Variants in LEPR observed in about 807,000 individuals in gnomAD.
LEPR encodes OB receptor.
A neutral mutation model predicts 114.7 loss-of-function variants in LEPR; 56 were observed. The observed-to-expected ratio is 0.49, with a 90% CI of 0.39 to 0.61. The LOEUF (loss-of-function observed/expected upper bound fraction) is 0.61. Ranked by LOEUF, LEPR falls within the 20% of genes least tolerant of loss-of-function variation. LEPR has a pLI of 0.00. For synonymous variants in LEPR, 443 were observed against 461.4 expected, an observed-to-expected ratio of 0.96 and a Z score of 0.51; for missense variants, 1,202 against 1,352.9, an observed-to-expected ratio of 0.89 and a Z score of 1.75.
intron 2 of LEPR, chr1:65,432,934 A>G (rs778788239): frequency 6.8e-5 from 66 of 974,604 alleles, no homozygotes; most frequent in Non-Finnish European, 7.9e-5. Flanking sequence ...ATTTGTCAAT[A>G]TATAATCAAA....
intron 2 of LEPR, among the ~76,000 whole-genome samples, chr1:65,513,547 T>C (rs1451101064): frequency 6.6e-6 from 1 of 152,176 alleles, no homozygotes; most frequent in Non-Finnish European, 1.5e-5. Context: ...CCATGAGAGT[T>C]GGCATATAGG....
In LEPR at chr1:65,518,972, TTC is replaced by T. The variant is rs200352575; in HGVS notation, c.-20-46564_-20-46563del. On this transcript the variant is annotated intron_variant, in intron 2 of 19. Coordinates refer to ENST00000349533, the MANE Select transcript of LEPR (RefSeq NM_002303.6). The stretch of plus-strand genomic sequence containing the variant: ...CTTCTTTCTTCTTTTTCTTTTCTTT[TTC>T]TCTCTCTCTTTCCTTCCTTCCTTCT... Among the ~76,000 whole-genome samples the T allele has an allele frequency of 3.1e-3, 391 of 125,568 alleles. 3 individuals carry two copies. The highest frequency in any genetic ancestry group is 8.5e-3 in the African/African-American group (297 of 34,778). 82.4% of individuals were successfully genotyped at this position (125,568 alleles called of 152,430 possible). A position where few individuals can be genotyped will look rare whatever the true frequency, so the allele number is the denominator to read the frequency against.
intron 2 of LEPR, among the ~76,000 whole-genome samples, chr1:65,470,044 C>G (rs1443234363): frequency 1.3e-5 from 2 of 152,212 alleles, no homozygotes; most frequent in Non-Finnish European, 2.9e-5. Context: ...ATGTTTCCCT[C>G]TCTGCCTGGC....
At position 65,436,445 on chromosome 1, in the gene LEPR, G is replaced by A. The variant is rs143724728; in HGVS notation, c.-21+11067G>A. 3.0e-4 allele frequency among the ~76,000 whole-genome samples: 46 copies of A among 152,272 alleles called. 1 individual carries two copies. In the East Asian group the frequency reaches 8.5e-3, roughly 28 times the overall value. ...TCTGATGTTTTACTAGTGGATTTAG[G>A]CAGCCAGATTGTAAAGAAATCAAGC... On this transcript the variant is annotated intron_variant, in intron 2 of 19. Coordinates refer to ENST00000349533, the MANE Select transcript of LEPR (RefSeq NM_002303.6).
intron 2 of LEPR, among the ~76,000 whole-genome samples, chr1:65,448,120 T>C (rs1477471353): frequency 6.6e-6 from 1 of 152,244 alleles, no homozygotes. Flanking sequence ...GAAAGCCTCA[T>C]GCTTCTTATC....
intron 2 of LEPR, among the ~76,000 whole-genome samples, chr1:65,468,668 T>C (rs1647045506): frequency 1.3e-5 from 2 of 152,190 alleles, no homozygotes; most frequent in African/African-American, 4.8e-5. Flanking sequence ...TGCTCTGCTG[T>C]CATAGGGCTC....
intron 2 of LEPR, among the ~76,000 whole-genome samples, chr1:65,452,691 T>C (rs1375984997): frequency 1.3e-5 from 2 of 151,564 alleles, no homozygotes; most frequent in African/African-American, 4.8e-5. Context: ...CAGTATTTTA[T>C]TGAGGATTTT....
Position 65,549,788 on chromosome 1 carries a change from C to T in LEPR, c.-20-15758C>T, listed in dbSNP as rs144809648. Among the ~76,000 whole-genome samples, 860 of 152,264 alleles carry T rather than the reference C, an allele frequency of 5.6e-3. 11 individuals are homozygous for T. Among genetic ancestry groups the T allele is most frequent in the African/African-American group, 0.02 (825 of 41,538 alleles). ...CTCCTGTAGCTCGGAGTAGTTTGAT[C>T]GTCTGAAGCTTTCTTCTCTCACCTC... On this transcript the variant is annotated intron_variant, in intron 2 of 19. Transcript: ENST00000349533.
At chr1:65,598,558 G>T in intron 7 of LEPR, 102 bp from the exon 8 acceptor site, 1 of 1,517,422 alleles carries the variant, frequency 6.6e-7, no homozygotes, top group Non-Finnish European at 9.0e-7. Flanking sequence ...TACTGTGTAA[G>T]ATATTAATTC....
chr1:65,631,371 C>A (rs549509913), intron 19 of LEPR, among the ~76,000 whole-genome samples: 1 of 152,244 alleles, frequency 6.6e-6, no homozygotes, highest in South Asian at 2.1e-4. Flanking sequence ...TCTTCACGCA[C>A]TGTCTCCGCT....
At chr1:65,512,320 T>A (rs2100555849) in intron 2 of LEPR, among the ~76,000 whole-genome samples, 1 of 152,282 alleles carries the variant, frequency 6.6e-6, no homozygotes, top group African/African-American at 2.4e-5. Flanking sequence ...CAACTGGACA[T>A]GAGATTTGGG....
Position 65,637,675 on chromosome 1 carries a change from G to T in LEPR, c.*660G>T, listed in dbSNP as rs1658761392. The stretch of plus-strand genomic sequence containing the variant: ...TCAGTTTTAATTCTTCTCTCTGAAA[G>T]ATGTTGAAGTGGTCACTTTCTGATA... On this transcript the variant is annotated 3_prime_UTR_variant, in exon 20 of 20. Coordinates refer to ENST00000349533, the MANE Select transcript of LEPR (RefSeq NM_002303.6). The T allele has an allele frequency of 6.6e-6, 1 of 152,222 alleles. No individual in the cohort carries two copies. The highest frequency in any genetic ancestry group is 1.5e-5 in the Non-Finnish European group (1 of 68,070). The allele number at this position is 152,222 out of a possible 1,614,324, so 9.4% of individuals were successfully genotyped here.
At chr1:65,558,519 A>AT (rs1653008073) in intron 2 of LEPR, among the ~76,000 whole-genome samples, 1 of 17,022 alleles carries the variant, frequency 5.9e-5, no homozygotes, top group Non-Finnish European at 1.2e-4. Flanking sequence ...TTTTTTTTGA[A>AT]TCAGAAGTTT....
At chr1:65,470,238 A>T (rs1274647819) in intron 2 of LEPR, among the ~76,000 whole-genome samples, 1 of 152,218 alleles carries the variant, frequency 6.6e-6, no homozygotes, top group African/African-American at 2.4e-5. Context: ...GGCTGAAATA[A>T]CTACTCCTAC....
At chr1:65,632,293 A>G (rs1338356070) in intron 19 of LEPR, among the ~76,000 whole-genome samples, 1 of 152,094 alleles carries the variant, frequency 6.6e-6, no homozygotes, top group Non-Finnish European at 1.5e-5. Flanking sequence ...CATCTCCCCT[A>G]TGCCCAGAAA....
chr1:65,592,605 A>G (rs1278852083), intron 5 of LEPR, 52 bp from the exon 6 acceptor site: 5 of 1,590,380 alleles, frequency 3.1e-6, no homozygotes, highest in African/African-American at 1.3e-5. Context: ...TTAAAAGCCT[A>G]TCCAGTATTT....
intron 8 of LEPR, among the ~76,000 whole-genome samples, 178 bp from the exon 9 acceptor site, chr1:65,601,214 G>A (rs1020054733): frequency 6.6e-6 from 1 of 151,832 alleles, no homozygotes. Flanking sequence ...GAGAGCACTC[G>A]GGACACTAGA....
chr1:65,449,286 T>G (rs1335429269), intron 2 of LEPR, among the ~76,000 whole-genome samples: 16 of 139,196 alleles, frequency 1.1e-4, no homozygotes, highest in African/African-American at 3.8e-4. Flanking sequence ...TTTGCTGAGG[T>G]TTTATTTTGG....
rs544670787 is a variant in LEPR, at chr1:65,437,593, C to T, written c.-21+12215C>T. 8.6e-5 allele frequency among the ~76,000 whole-genome samples: 13 copies of T among 151,608 alleles called. No homozygotes were observed. The East Asian group carries it at 1.0e-3, about 12-fold the overall frequency. Reference sequence around the variant, plus strand: ...CCGAAAGGCGGAGGTTGCAGTGAGCCGAGATCGCGCCACTGCACTCTAGCC... The same window carrying T: ...CCGAAAGGCGGAGGTTGCAGTGAGCTGAGATCGCGCCACTGCACTCTAGCC... On this transcript the variant is annotated intron_variant, in intron 2 of 19. Coordinates refer to ENST00000349533, the MANE Select transcript of LEPR (RefSeq NM_002303.6).
Sources: allele counts gnomAD v4.1 joint callset (sites outside exome capture counted in the v4.1 genomes callset), GRCh38; gene constraint gnomAD v4.1.1; transcripts MANE v1.5; gene names NCBI Gene and HGNC (gene_info 2026-07-23, HGNC 2026-07-21).